Variants in RNF38 observed in about 807,000 individuals in gnomAD.
The protein encoded by RNF38 is E3 ubiquitin-protein ligase RNF38.
A neutral mutation model predicts 67.2 loss-of-function variants in RNF38; 15 were observed. The observed-to-expected ratio is 0.22, with a 90% CI of 0.15 to 0.34. RNF38 has a LOEUF of 0.34. RNF38 is among the 10% of genes least tolerant of loss of function. RNF38 has a pLI of 1.00. For missense variants in RNF38, 524 were observed against 639.9 expected (o/e 0.82, Z 1.95); for synonymous variants, 220 against 218.8 (o/e 1.01, Z -0.05).
chr9:36,451,890 T>C (rs1287282591), intron 1 of RNF38, among the ~76,000 whole-genome samples: 1 of 152,098 alleles, frequency 6.6e-6, no homozygotes, highest in Non-Finnish European at 1.5e-5. Context: ...TTAGTTGATG[T>C]GGATCCTAAT....
chr9:36,401,920 G>C (rs1472654554), upstream of RNF38, among the ~76,000 whole-genome samples: 2 of 152,148 alleles, frequency 1.3e-5, no homozygotes, highest in Middle Eastern at 3.2e-3. Flanking sequence ...TTCCCTCTCT[G>C]GGCCTCAGCT....
rs774592978 is a variant in RNF38, at chr9:36,369,941, A to T, written c.357-9T>A. On this transcript the variant is annotated splice_polypyrimidine_tract_variant and intron_variant, in intron 3 of 11. Transcript: ENST00000259605. ...GGCGCCTGACAGGAGGACTGTGATAAATATCAAAAAGAAAGTCATTATGCT... is the reference window on the plus strand; with the variant it reads ...GGCGCCTGACAGGAGGACTGTGATATATATCAAAAAGAAAGTCATTATGCT... The T allele has an allele frequency of 6.2e-7, 1 of 1,607,628 alleles. No individual in the cohort carries two copies. Among genetic ancestry groups the T allele is most frequent in the Non-Finnish European group, 8.5e-7 (1 of 1,176,714 alleles).
chr9:36,429,361 C>G (rs1479237989), intron 1 of RNF38, among the ~76,000 whole-genome samples: 1 of 152,150 alleles, frequency 6.6e-6, no homozygotes, highest in African/African-American at 2.4e-5. Flanking sequence ...CCAGGACCCC[C>G]AGTGGATACC....
chr9:36,471,000 C>A (rs1410835822), intron 1 of RNF38, among the ~76,000 whole-genome samples: 6 of 152,194 alleles, frequency 3.9e-5, no homozygotes, highest in Non-Finnish European at 8.8e-5. Context: ...TCCAGCAAAT[C>A]TACAGGTGAA....
upstream of RNF38, chr9:36,400,541 C>T (rs1252737869): frequency 1.0e-6 from 1 of 990,116 alleles, no homozygotes; most frequent in Non-Finnish European, 1.2e-6. Context: ...CCAACGGCCG[C>T]GGCGGCCAGT....
intron 10 of RNF38, 126 bp from the exon 11 acceptor site, chr9:36,342,550 C>T: frequency 6.1e-6 from 4 of 659,364 alleles, no homozygotes; most frequent in South Asian, 3.7e-5. Context: ...ACAAAATTAT[C>T]AACCAATACC....
rs1840081206 is a variant in RNF38, at chr9:36,474,640, AG to A, written n.241+12667del. ...GTGCTCCAGTTTCATCTGTACAATA[AG>A]TATAATATGAGTCCCTTAGGGGACT... is the stretch of plus-strand genomic sequence containing the variant. On this transcript the variant is annotated intron_variant and non_coding_transcript_variant, in intron 1 of 3. Transcript: ENST00000488058. Among the ~76,000 whole-genome samples the A allele has an allele frequency of 1.3e-5, 2 of 148,358 alleles. 1 individual carries two copies. Among genetic ancestry groups the A allele is most frequent in the Non-Finnish European group, 3.0e-5 (2 of 67,272 alleles).
At chr9:36,381,909 G>C (rs1037382554) in intron 2 of RNF38, among the ~76,000 whole-genome samples, 5 of 152,164 alleles carry the variant, frequency 3.3e-5, no homozygotes, top group Non-Finnish European at 7.3e-5. Flanking sequence ...TGTTTTCACA[G>C]AGTTGGGTCT....
chr9:36,359,910 G>A (rs1834397935), intron 4 of RNF38, among the ~76,000 whole-genome samples: 1 of 130,898 alleles, frequency 7.6e-6, no homozygotes, highest in African/African-American at 2.7e-5. Context: ...CACTACACCT[G>A]GCTTTTTTTT....
chr9:36,478,877 T>C (rs1840185503), intron 1 of RNF38, among the ~76,000 whole-genome samples: 1 of 151,372 alleles, frequency 6.6e-6, no homozygotes, highest in Non-Finnish European at 1.5e-5. Flanking sequence ...GCAAGTTATG[T>C]ATTCGGCTTT....
chr9:36,437,038 T>A (rs1287003241), intron 1 of RNF38, among the ~76,000 whole-genome samples: 5 of 152,186 alleles, frequency 3.3e-5, no homozygotes, highest in Non-Finnish European at 1.5e-5. Context: ...CAGATAAACA[T>A]TTGAGGAGGC....
chr9:36,352,783 T>C lies in RNF38; in HGVS notation c.1137A>G (p.Ile379Met). 6.2e-7 allele frequency: 1 copy of C among 1,613,946 alleles called. No homozygotes were observed. Among genetic ancestry groups the C allele is most frequent in the Non-Finnish European group, 8.5e-7 (1 of 1,179,948 alleles). ...GRSRYRSQQP[I>M]PPPPYHPSLL... ...AGCTGGGATGATAAGGGGGAGGTGG[T>C]ATTGGCTGCTGGGATCGGTATCTAC... The change falls in exon 8 of 12, where the codon ATA becomes ATG. Residue 379 changes from isoleucine (I) to methionine (M), a missense_variant. By Grantham distance (10) the Ile-to-Met change is conservative (BLOSUM62 1). Transcript: ENST00000259605.
chr9:36,393,507 GT>G (rs1837283712), intron 1 of RNF38, among the ~76,000 whole-genome samples: 4 of 149,222 alleles, frequency 2.7e-5, no homozygotes, highest in African/African-American at 7.4e-5. Flanking sequence ...GTGTGTGTGT[GT>G]GTGTGTGTGT....
At chr9:36,440,156 G>GA (rs1468200512) in intron 1 of RNF38, among the ~76,000 whole-genome samples, 1 of 151,972 alleles carries the variant, frequency 6.6e-6, no homozygotes, top group Non-Finnish European at 1.5e-5. Context: ...TGAAGCAGGA[G>GA]AATCACCTGA....
chr9:36,452,857 A>G (rs1839489811), intron 1 of RNF38, among the ~76,000 whole-genome samples: 1 of 152,200 alleles, frequency 6.6e-6, no homozygotes, highest in African/African-American at 2.4e-5. Context: ...TTTTATGAAT[A>G]ATATGCCATT....
At chr9:36,413,281 C>G (rs890427457) in intron 2 of RNF38, among the ~76,000 whole-genome samples, 1 of 152,036 alleles carries the variant, frequency 6.6e-6, no homozygotes, top group Admixed American at 6.6e-5. Context: ...CTCTCTTTCC[C>G]TCTATCACCA....
At chr9:36,470,984 G>A (rs950102045) in intron 1 of RNF38, among the ~76,000 whole-genome samples, 8 of 151,974 alleles carry the variant, frequency 5.3e-5, no homozygotes, top group Admixed American at 6.6e-5. Context: ...CAAACATGTC[G>A]GCTCTTCCAG....
chr9:36,357,381 G>A (rs1022431350), intron 5 of RNF38, among the ~76,000 whole-genome samples: 3 of 152,178 alleles, frequency 2.0e-5, no homozygotes, highest in Admixed American at 2.0e-4. Flanking sequence ...AACTCAGTAA[G>A]TGCTGAGACT....
chr9:36,426,101 G>A (rs1416950804), intron 1 of RNF38, among the ~76,000 whole-genome samples: 1 of 152,184 alleles, frequency 6.6e-6, no homozygotes, highest in Non-Finnish European at 1.5e-5. Flanking sequence ...TACAGTAAGA[G>A]CTTACTGATA....
Sources: gnomAD v4.1 joint callset for allele counts (sites outside exome capture counted in the v4.1 genomes callset) on GRCh38, gnomAD v4.1.1 for gene constraint, MANE v1.5 for transcripts, NCBI Gene and HGNC (gene_info 2026-07-23, HGNC 2026-07-21) for gene names.